The following PRTFDC1 variants were observed in gnomAD, a reference collection of about 807,000 sequenced individuals.
The protein encoded by PRTFDC1 is phosphoribosyltransferase domain-containing protein 1.
PRTFDC1 carries 38 observed loss-of-function variants against 34.6 expected under a neutral mutation model. The observed-to-expected ratio is 1.10, with a 90% CI of 0.85 to 1.44. The LOEUF (loss-of-function observed/expected upper bound fraction) is 1.44, where lower values mean the gene tolerates loss of function less well. PRTFDC1 is among the 40% of genes most tolerant of loss of function. The probability of loss-of-function intolerance (pLI) is 0.00; values close to 1 mark genes in which losing one functional copy is unlikely to be tolerated. For missense variants in PRTFDC1, 270 were observed against 283.0 expected, an observed-to-expected ratio of 0.95 and a Z score of 0.33; for synonymous variants, 93 against 98.1, an observed-to-expected ratio of 0.95 and a Z score of 0.31.
intron 3 of PRTFDC1, among the ~76,000 whole-genome samples, chr10:24,887,681 C>T (rs561703285): frequency 6.6e-6 from 1 of 152,146 alleles, no homozygotes; most frequent in Non-Finnish European, 1.5e-5. Context: ...GCATGGCTCT[C>T]TGTCACATCT....
At chr10:24,927,423 G>C (rs148879679) in intron 3 of PRTFDC1, among the ~76,000 whole-genome samples, 1 of 152,076 alleles carries the variant, frequency 6.6e-6, no homozygotes, top group African/African-American at 2.4e-5. Context: ...GCCTATTCCT[G>C]ATGTACTCTT....
intron 2 of PRTFDC1, among the ~76,000 whole-genome samples, chr10:24,939,077 G>A (rs1849104689): frequency 6.6e-6 from 1 of 152,104 alleles, no homozygotes; most frequent in African/African-American, 2.4e-5. Flanking sequence ...GAGGTGGGCA[G>A]ATCTCTTGAG....
chr10:24,909,158 A>C (rs1382969383), intron 3 of PRTFDC1, among the ~76,000 whole-genome samples: 1 of 152,160 alleles, frequency 6.6e-6, no homozygotes, highest in African/African-American at 2.4e-5. Context: ...GTGTGTGTCT[A>C]TATTCCCAGT....
intron 3 of PRTFDC1, among the ~76,000 whole-genome samples, chr10:24,932,998 A>C (rs1311899316): frequency 1.3e-5 from 2 of 152,222 alleles, no homozygotes; most frequent in East Asian, 3.9e-4. Flanking sequence ...ATCAAAAGCA[A>C]CTCCATGGAA....
intron 3 of PRTFDC1, among the ~76,000 whole-genome samples, chr10:24,901,721 C>G (rs1237460586): frequency 6.6e-6 from 1 of 152,122 alleles, no homozygotes; most frequent in Non-Finnish European, 1.5e-5. Flanking sequence ...AAAGAAAGAC[C>G]CAGTCTCAAA....
intron 3 of PRTFDC1, among the ~76,000 whole-genome samples, chr10:24,896,265 T>C (rs555949184): frequency 1.3e-4 from 20 of 152,322 alleles, no homozygotes; most frequent in African/African-American, 4.6e-4. Flanking sequence ...ATCACAACCC[T>C]ATGGCGAACT....
At chr10:24,913,225 A>G (rs2132571974) in intron 3 of PRTFDC1, among the ~76,000 whole-genome samples, 1 of 152,318 alleles carries the variant, frequency 6.6e-6, no homozygotes, top group Non-Finnish European at 1.5e-5. Flanking sequence ...AGCTGAGATA[A>G]CCTTGTAATT....
chr10:24,880,843 C>CTTTCTTTCTTTCTTTCTTTCTTTCTT, intron 3 of PRTFDC1, among the ~76,000 whole-genome samples: 1 of 148,378 alleles, frequency 6.7e-6, no homozygotes, highest in African/African-American at 2.5e-5. Flanking sequence ...TTCTTTCTTT[C>CTTTCTTTCTTTCTTTCTTTCTTTCTT]TTTCTTTCTT....
chr10:24,922,166 T>C (rs1008991191), intron 3 of PRTFDC1, among the ~76,000 whole-genome samples: 1 of 152,252 alleles, frequency 6.6e-6, no homozygotes. Context: ...CTGGTCTTGA[T>C]GCTAAATTTT....
intron 3 of PRTFDC1, among the ~76,000 whole-genome samples, chr10:24,931,788 C>T (rs1355890614): frequency 6.6e-6 from 1 of 150,974 alleles, no homozygotes; most frequent in East Asian, 1.9e-4. Context: ...TACCAAATAC[C>T]AAAGACGAAT....
intron 3 of PRTFDC1, among the ~76,000 whole-genome samples, chr10:24,881,409 C>T (rs531624989): frequency 8.5e-5 from 13 of 152,250 alleles, no homozygotes; most frequent in African/African-American, 2.6e-4. Flanking sequence ...CTCTGACCCA[C>T]GTTTGTACTT....
chr10:24,888,121 C>T (rs1848200791), intron 3 of PRTFDC1, among the ~76,000 whole-genome samples: 1 of 152,188 alleles, frequency 6.6e-6, no homozygotes, highest in South Asian at 2.1e-4. Flanking sequence ...GGTCCTCATG[C>T]CTTGGCCTCC....
At chr10:24,881,306 G>T (rs890614082) in intron 3 of PRTFDC1, among the ~76,000 whole-genome samples, 2 of 152,060 alleles carry the variant, frequency 1.3e-5, no homozygotes, top group South Asian at 2.1e-4. Flanking sequence ...CTGGCCTCAA[G>T]TGATCCTCCT....
chr10:24,856,390 C>A (rs1407757776), intron 6 of PRTFDC1, among the ~76,000 whole-genome samples: 1 of 151,972 alleles, frequency 6.6e-6, no homozygotes, highest in Non-Finnish European at 1.5e-5. Flanking sequence ...AGTTCCAGAC[C>A]AGCCTGGCCA....
intron 3 of PRTFDC1, among the ~76,000 whole-genome samples, chr10:24,934,055 G>A (rs1353252502): frequency 6.6e-6 from 1 of 151,964 alleles, no homozygotes; most frequent in Non-Finnish European, 1.5e-5. Context: ...ATTTAGTCAA[G>A]GGAAGTGAAG....
At chr10:24,918,885 C>T (rs191332317) in intron 3 of PRTFDC1, among the ~76,000 whole-genome samples, 2 of 152,250 alleles carry the variant, frequency 1.3e-5, no homozygotes, top group Admixed American at 6.5e-5. Context: ...TGGGGCCCTC[C>T]TTCTGGGAAG....
chr10:24,856,847 T>A, intron 6 of PRTFDC1, 66 bp downstream of exon 6: 1 of 1,350,410 alleles, frequency 7.4e-7, no homozygotes, highest in Admixed American at 1.7e-5. Context: ...GAGCATCCTG[T>A]GTTAGCATCC....
chr10:24,923,873 C>G (rs1425144120), intron 3 of PRTFDC1, among the ~76,000 whole-genome samples: 2 of 152,132 alleles, frequency 1.3e-5, no homozygotes, highest in Non-Finnish European at 2.9e-5. Context: ...GGAACATGTT[C>G]TAACTCATCG....
intron 4 of PRTFDC1, among the ~76,000 whole-genome samples, chr10:24,860,433 A>T (rs16925093): frequency 0.019 from 2,940 of 152,242 alleles, 75 homozygotes; most frequent in East Asian, 0.12. Context: ...TAACTTACTT[A>T]TGTTTAATGC....
Sources: gnomAD v4.1 joint callset for allele counts (sites outside exome capture counted in the v4.1 genomes callset) on GRCh38, gnomAD v4.1.1 for gene constraint, MANE v1.5 for transcripts, NCBI Gene and HGNC (gene_info 2026-07-23, HGNC 2026-07-21) for gene names.